MARF1: variants seen among roughly 807,000 people sequenced by gnomAD.
MARF1 encodes the protein limkain-b1.
MARF1 carries 24 observed loss-of-function variants against 168.2 expected under a neutral mutation model. The ratio of observed to expected loss-of-function variants is 0.14; its 90% confidence interval spans 0.10 to 0.20. The LOEUF (loss-of-function observed/expected upper bound fraction) is 0.20, where lower values mean the gene tolerates loss of function less well. Among genes scored for constraint, MARF1 ranks in the 10% least tolerant of loss-of-function variants. The pLI is 1.00. For synonymous variants in MARF1, 868 were observed against 822.4 expected, an observed-to-expected ratio of 1.06 and a Z score of -0.95; for missense variants, 1,744 against 2,143.6, an observed-to-expected ratio of 0.81 and a Z score of 3.68.
intron 26 of MARF1, among the ~76,000 whole-genome samples, chr16:15,597,793 A>G (rs1036065972): frequency 2.0e-5 from 3 of 152,164 alleles, no homozygotes; most frequent in African/African-American, 7.2e-5. Context: ...CACAAAGGCC[A>G]CAACCCCACA....
intron 24 of MARF1, 37 bp downstream of exon 24, chr16:15,600,604 G>GATTTTTT: frequency 6.2e-7 from 1 of 1,614,122 alleles, no homozygotes; most frequent in Non-Finnish European, 8.5e-7. Context: ...AGAGAACCGT[G>GATTTTTT]ATTTTTTAAG....
At position 15,636,095 on chromosome 16, in the gene MARF1, T is replaced by A; in HGVS notation, c.392A>T (p.His131Leu). The A allele has an allele frequency of 1.2e-6, 2 of 1,614,108 alleles. No homozygotes were observed. Among genetic ancestry groups the A allele is most frequent in the Non-Finnish European group, 1.7e-6 (2 of 1,180,024 alleles). Residue 131 changes from histidine (H) to leucine (L), a missense_variant, in exon 3 of 27, where the codon CAC becomes CTC. By Grantham distance (99) the His-to-Leu change is moderately conservative (BLOSUM62 -3). Transcript: ENST00000396368. The stretch of plus-strand genomic sequence containing the variant: ...TTGCGAGTCTAACAGTGCGCCCGGG[T>A]GAATCAAGCTACTGGTACCTCCGCT... Reference protein sequence around the residue: ...GGSGGTSSLIHPGALLDSQST... With the variant: ...GGSGGTSSLILPGALLDSQST...
intron 16 of MARF1, 106 bp from the exon 17 acceptor site, chr16:15,612,883 A>G: frequency 2.4e-6 from 2 of 836,420 alleles, no homozygotes; most frequent in South Asian, 2.9e-5. Context: ...ATGGGGAAGC[A>G]AACAAAACCA....
intron 22 of MARF1, among the ~76,000 whole-genome samples, chr16:15,603,101 T>C (rs868047810): frequency 2.0e-5 from 3 of 152,232 alleles, no homozygotes; most frequent in Admixed American, 6.5e-5. Context: ...ACTGGTGTTC[T>C]TAGGATAGAT....
chr16:15,634,956 G>A (rs769583634), intron 3 of MARF1, 25 bp from the exon 4 acceptor site: 2 of 1,607,878 alleles, frequency 1.2e-6, no homozygotes, highest in East Asian at 2.2e-5. Context: ...TTTTAAAAAG[G>A]AGGAGGTGTC....
Position 15,631,411 on chromosome 16 carries a change from T to C in MARF1, c.1321A>G (p.Thr441Ala). The C allele has an allele frequency of 1.9e-6, 3 of 1,612,328 alleles. No individual in the cohort carries two copies. Among genetic ancestry groups the C allele is most frequent in the Non-Finnish European group, 2.5e-6 (3 of 1,178,670 alleles). The stretch of plus-strand genomic sequence containing the variant: ...ACAAGAACCACTGTGGCTGGAGCAG[T>C]GTGTGTATTTGCAAATCTGCGGAGA... ...QSLRRFANTH[T>A]APATVVLVST... The change falls in exon 6 of 27, where the codon ACT becomes GCT. Residue 441 changes from threonine (T) to alanine (A), a missense_variant. Transcript: ENST00000396368.
chr16:15,642,385 A>G (rs1201086461), intron 1 of MARF1: 4 of 152,250 alleles, frequency 2.6e-5, no homozygotes. Flanking sequence ...TAACTGTTGA[A>G]CGAATAAAGC....
Position 15,635,316 on chromosome 16 carries a change from C to T in MARF1, c.831+340G>A, listed in dbSNP as rs74568982. On this transcript the variant is annotated intron_variant, in intron 3 of 26. Transcript: ENST00000396368. Reference sequence around the variant, plus strand: ...AGACAACATGCAGTTATCTACCTTACATGAATGGGCCCATGTGTAAGCTGA... The same window carrying T: ...AGACAACATGCAGTTATCTACCTTATATGAATGGGCCCATGTGTAAGCTGA... 5.9e-3 allele frequency: 2,388 copies of T among 407,380 alleles called. 52 individuals are homozygous for T. Among genetic ancestry groups the T allele is most frequent in the African/African-American group, 0.046 (2,262 of 49,230 alleles). The allele number at this position is 407,380 out of a possible 1,614,324, so 25.2% of individuals were successfully genotyped here.
chr16:15,604,762 G>A (rs997951116), intron 21 of MARF1, among the ~76,000 whole-genome samples: 4 of 152,154 alleles, frequency 2.6e-5, no homozygotes, highest in Non-Finnish European at 5.9e-5. Flanking sequence ...AGTGTGGGTT[G>A]CTGTGCTCGA....
At position 15,616,025 on chromosome 16, in the gene MARF1, CA is replaced by C; in HGVS notation, c.3078-21del. 2.8e-6 allele frequency: 4 copies of C among 1,452,288 alleles called. No individual in the cohort carries two copies. The highest frequency in any genetic ancestry group is 1.5e-5 in the South Asian group (1 of 67,974). The allele number at this position is 1,452,288 out of a possible 1,614,324, so 90.0% of individuals were successfully genotyped here. ...GGAAAGCTGAAATAGGAAAAAACAA[CA>C]AAAAAAGGAAAGGTTAAATCAAAAT... On this transcript the variant is annotated intron_variant, in intron 15 of 26. Transcript: ENST00000396368.
intron 1 of MARF1, among the ~76,000 whole-genome samples, chr16:15,641,229 T>C (rs77461967): frequency 0.013 from 1,935 of 152,298 alleles, 42 homozygotes; most frequent in African/African-American, 0.044. Context: ...CTGTATCTCT[T>C]GTGCCAACCA....
At chr16:15,627,049 AAACGAACG>A (rs913428122) in intron 7 of MARF1, among the ~76,000 whole-genome samples, 4 of 152,116 alleles carry the variant, frequency 2.6e-5, no homozygotes, top group East Asian at 1.9e-4. Context: ...AAGAACGAAC[AAACGAACG>A]AACGAACGAA....
intron 22 of MARF1, chr16:15,602,469 A>G: frequency 1.7e-6 from 1 of 599,734 alleles, no homozygotes; most frequent in Non-Finnish European, 2.9e-6. Context: ...GACAAAGATG[A>G]AGACAAAGAA....
intron 5 of MARF1, among the ~76,000 whole-genome samples, chr16:15,632,990 C>A (rs1239473783): frequency 3.3e-5 from 5 of 151,998 alleles, no homozygotes; most frequent in African/African-American, 1.2e-4. Context: ...GGAAATAATA[C>A]ATATATAACC....
In MARF1 at chr16:15,608,483, C is replaced by G. The variant is rs2033220987; in HGVS notation, c.3990G>C (p.Leu1330=). Residue 1330 remains leucine (L), a synonymous_variant, in exon 21 of 27, where the codon CTG becomes CTC. Transcript: ENST00000396368. Reference sequence around the variant, plus strand: ...GAGCTTTGAACCGCTCCACCTCTGTCAGAGTAAGGATCTTTTCTTCTCCAC... The same window carrying G: ...GAGCTTTGAACCGCTCCACCTCTGTGAGAGTAAGGATCTTTTCTTCTCCAC... ...LECGEEKILT[L]TEVERFKALA... is the part of the protein sequence containing the mutation. 10 of 1,613,998 alleles carry G rather than the reference C, an allele frequency of 6.2e-6. No individual in the cohort carries two copies. Among genetic ancestry groups the G allele is most frequent in the Non-Finnish European group, 7.6e-6 (9 of 1,180,016 alleles).
At chr16:15,600,601 C>A (rs1444570608) in intron 24 of MARF1, 40 bp downstream of exon 24, 3 of 1,613,968 alleles carry the variant, frequency 1.9e-6, no homozygotes, top group African/African-American at 1.3e-5. Context: ...GTGAGAGAAC[C>A]GTGATTTTTT....
At chr16:15,610,758 G>C (rs550176455) in intron 19 of MARF1, among the ~76,000 whole-genome samples, 1 of 152,260 alleles carries the variant, frequency 6.6e-6, no homozygotes, top group East Asian at 1.9e-4. Flanking sequence ...TTTCCCCTTA[G>C]AGTCAATTCT....
At chr16:15,642,970 G>A (rs1170888322) in intron 1 of MARF1, 48 bp downstream of exon 1, 2 of 207,440 alleles carry the variant, frequency 9.6e-6, no homozygotes, top group South Asian at 5.4e-5. Flanking sequence ...CGCTGGCCTC[G>A]GAGCAGAGCC....
chr16:15,600,613 A>C (rs1555519733), intron 24 of MARF1, 28 bp downstream of exon 24: 2 of 1,614,058 alleles, frequency 1.2e-6, no homozygotes, highest in South Asian at 2.2e-5. Context: ...TGATTTTTTA[A>C]GGGGGGAGGG....
Sources: allele counts gnomAD v4.1 joint callset (sites outside exome capture counted in the v4.1 genomes callset), GRCh38; gene constraint gnomAD v4.1.1; transcripts MANE v1.5; gene names NCBI Gene and HGNC (gene_info 2026-07-23, HGNC 2026-07-21).